The following GRID1 variants were observed in gnomAD, a reference collection of about 807,000 sequenced individuals.
The protein encoded by GRID1 is glutamate ionotropic receptor delta type subunit 1.
A neutral mutation model predicts 98.0 loss-of-function variants in GRID1; 28 were observed. The observed-to-expected ratio is 0.29, with a 90% CI of 0.21 to 0.39. The LOEUF (loss-of-function observed/expected upper bound fraction) is 0.39, where lower values mean the gene tolerates loss of function less well. Ranked by LOEUF, GRID1 falls within the 10% of genes least tolerant of loss-of-function variation. The pLI is 1.00. For synonymous variants in GRID1, 553 were observed against 538.5 expected (o/e 1.03, Z -0.37); for missense variants, 1,111 against 1,340.5 (o/e 0.83, Z 2.67).
chr10:85,690,533 A>C (rs1841320325), intron 12 of GRID1, among the ~76,000 whole-genome samples: 1 of 152,186 alleles, frequency 6.6e-6, no homozygotes, highest in South Asian at 2.1e-4. Context: ...GTACTGCTGA[A>C]ATCAAGACAT....
chr10:86,334,160 T>C (rs1848191700), intron 2 of GRID1, among the ~76,000 whole-genome samples: 1 of 152,144 alleles, frequency 6.6e-6, no homozygotes, highest in Non-Finnish European at 1.5e-5. Flanking sequence ...ACAAACTGTG[T>C]TCCATTTCCG....
chr10:86,027,255 T>C (rs1378036803), intron 4 of GRID1, among the ~76,000 whole-genome samples: 2 of 152,228 alleles, frequency 1.3e-5, no homozygotes, highest in Admixed American at 6.5e-5. Flanking sequence ...ACTCTCCATT[T>C]TTCTTTCTCC....
At chr10:86,341,872 C>G (rs1174817022) in intron 2 of GRID1, among the ~76,000 whole-genome samples, 1 of 152,208 alleles carries the variant, frequency 6.6e-6, no homozygotes, top group African/African-American at 2.4e-5. Context: ...GGGATCTGGC[C>G]TCAGGGACTT....
intron 12 of GRID1, among the ~76,000 whole-genome samples, chr10:85,673,375 C>T (rs1841109264): frequency 6.6e-6 from 1 of 152,178 alleles, no homozygotes; most frequent in African/African-American, 2.4e-5. Flanking sequence ...AAGTGTGACT[C>T]CAACGTTCAC....
intron 4 of GRID1, among the ~76,000 whole-genome samples, chr10:85,934,455 C>G (rs1470717115): frequency 2.3e-5 from 3 of 132,806 alleles, no homozygotes; most frequent in Non-Finnish European, 4.9e-5. Context: ...CACACACACA[C>G]AGAGCAAAGA....
At chr10:86,361,714 T>C (rs1167725068) in intron 2 of GRID1, among the ~76,000 whole-genome samples, 2 of 152,238 alleles carry the variant, frequency 1.3e-5, no homozygotes, top group Non-Finnish European at 2.9e-5. Flanking sequence ...GCAATAGCTT[T>C]AAATCAAAAT....
At chr10:85,700,456 T>G (rs1050308716) in intron 12 of GRID1, among the ~76,000 whole-genome samples, 1 of 152,200 alleles carries the variant, frequency 6.6e-6, no homozygotes, top group African/African-American at 2.4e-5. Flanking sequence ...ATGATCTTTC[T>G]GAATGTAGGA....
intron 12 of GRID1, among the ~76,000 whole-genome samples, chr10:85,663,781 T>G (rs1840991378): frequency 6.6e-6 from 1 of 152,120 alleles, no homozygotes; most frequent in South Asian, 2.1e-4. Flanking sequence ...TAAGAATAAA[T>G]GAGTGAATAA....
intron 8 of GRID1, among the ~76,000 whole-genome samples, chr10:85,789,820 G>A (rs1842462253): frequency 6.6e-6 from 1 of 152,096 alleles, no homozygotes; most frequent in African/African-American, 2.4e-5. Context: ...GTGGCACTGT[G>A]ATCTCATTCA....
chr10:86,118,976 G>A (rs944140483), intron 4 of GRID1, among the ~76,000 whole-genome samples: 6 of 152,120 alleles, frequency 3.9e-5, no homozygotes, highest in African/African-American at 1.4e-4. Context: ...GACAACTAAT[G>A]CAATGTGGTA....
At chr10:85,958,365 A>T (rs534343761) in intron 4 of GRID1, among the ~76,000 whole-genome samples, 1 of 152,204 alleles carries the variant, frequency 6.6e-6, no homozygotes, top group African/African-American at 2.4e-5. Context: ...TGTCACCTCA[A>T]GGCCCCTTGG....
intron 3 of GRID1, among the ~76,000 whole-genome samples, chr10:86,187,749 G>C (rs61857806): frequency 0.039 from 5,885 of 152,294 alleles, 180 homozygotes; most frequent in African/African-American, 0.079. Context: ...TTTGCACATG[G>C]AATTGGCCAT....
intron 8 of GRID1, among the ~76,000 whole-genome samples, chr10:85,808,139 C>A (rs1478796012): frequency 6.6e-6 from 1 of 151,952 alleles, no homozygotes; most frequent in East Asian, 1.9e-4. Flanking sequence ...TGATTTCAGG[C>A]CTTAGATATA....
intron 2 of GRID1, among the ~76,000 whole-genome samples, chr10:86,298,819 G>A (rs1473906735): frequency 6.6e-6 from 1 of 152,192 alleles, no homozygotes; most frequent in Non-Finnish European, 1.5e-5. Context: ...TTTGTGTCTG[G>A]AGGCCCGGTG....
intron 4 of GRID1, among the ~76,000 whole-genome samples, chr10:85,969,864 T>C (rs796631446): frequency 2.0e-5 from 3 of 151,292 alleles, no homozygotes; most frequent in African/African-American, 7.3e-5. Context: ...ATAAATGAAA[T>C]AGAGCATAGA....
At chr10:85,884,519 T>C (rs1019805061) in intron 5 of GRID1, among the ~76,000 whole-genome samples, 1 of 152,190 alleles carries the variant, frequency 6.6e-6, no homozygotes, top group African/African-American at 2.4e-5. Context: ...CAAATCTGAA[T>C]TGTATTCTTG....
rs147786784 is a variant in GRID1 at position 86,113,567 on chromosome 10, T to C, written c.726+25252A>G. ...CCTTACAGAACTCTTCACCACATGA[T>C]ATTATTTTGCTTTTTTGCCTCTCCC... On this transcript the variant is annotated intron_variant, in intron 4 of 15. Transcript: ENST00000327946. Among the ~76,000 whole-genome samples, 510 of 152,298 alleles carry C rather than the reference T, an allele frequency of 3.3e-3. 9 individuals carry two copies. Among genetic ancestry groups the C allele is most frequent in the Non-Finnish European group, 4.7e-3 (321 of 68,028 alleles).
At chr10:86,265,870 G>A (rs950036802) in intron 2 of GRID1, among the ~76,000 whole-genome samples, 2 of 151,546 alleles carry the variant, frequency 1.3e-5, no homozygotes, top group African/African-American at 2.4e-5. Context: ...TAATGACCCT[G>A]AGGATCTGCA....
chr10:85,770,853 T>C (rs1343779169), intron 8 of GRID1, among the ~76,000 whole-genome samples: 2 of 152,174 alleles, frequency 1.3e-5, no homozygotes, highest in African/African-American at 4.8e-5. Flanking sequence ...GTCTGATTGG[T>C]GTACCTGAAA....
Sources: gnomAD v4.1 joint callset for allele counts (sites outside exome capture counted in the v4.1 genomes callset) on GRCh38, gnomAD v4.1.1 for gene constraint, MANE v1.5 for transcripts, NCBI Gene and HGNC (gene_info 2026-07-23, HGNC 2026-07-21) for gene names.